The following CTNNA3 variants were observed in gnomAD, a reference collection of about 807,000 sequenced individuals.
The protein encoded by CTNNA3 is catenin alpha 3.
In CTNNA3, 76 loss-of-function variants were observed where a neutral mutation model predicts 95.7. The ratio of observed to expected loss-of-function variants is 0.79; its 90% CI spans 0.66 to 0.96. CTNNA3 has a LOEUF of 0.96. CTNNA3 is among the 40% of genes least tolerant of loss of function. The pLI, the probability that CTNNA3 is intolerant of heterozygous loss-of-function variation, is 0.00. For missense variants in CTNNA3, 1,191 were observed against 1,089.8 expected (o/e 1.09, Z -1.31); for synonymous variants, 431 against 374.4 (o/e 1.15, Z -1.74).
chr10:67,243,269 C>G (rs1306932769), intron 5 of CTNNA3, among the ~76,000 whole-genome samples: 1 of 152,060 alleles, frequency 6.6e-6, no homozygotes, highest in Non-Finnish European at 1.5e-5. Flanking sequence ...TTTTCCAACC[C>G]CCCCAACCCC....
chr10:66,343,150 A>G (rs913505525), intron 12 of CTNNA3, among the ~76,000 whole-genome samples: 9 of 152,140 alleles, frequency 5.9e-5, no homozygotes, highest in African/African-American at 2.2e-4. Flanking sequence ...TACAGCCACT[A>G]TGGAGAAGGG....
At chr10:67,178,844 C>CT (rs1862366983) in intron 7 of CTNNA3, among the ~76,000 whole-genome samples, 1 of 151,912 alleles carries the variant, frequency 6.6e-6, no homozygotes, top group Non-Finnish European at 1.5e-5. Flanking sequence ...CTTGAAAAAT[C>CT]TTTAAGAATA....
At chr10:66,157,264 T>C (rs2084561260) in intron 13 of CTNNA3, among the ~76,000 whole-genome samples, 1 of 151,980 alleles carries the variant, frequency 6.6e-6, no homozygotes, top group African/African-American at 2.4e-5. Context: ...CATAGCTTAG[T>C]TCTCATATAT....
intron 9 of CTNNA3, among the ~76,000 whole-genome samples, chr10:66,681,654 T>A (rs4447056): frequency 6.6e-6 from 1 of 151,962 alleles, no homozygotes; most frequent in Non-Finnish European, 1.5e-5. Context: ...AATAAGGATA[T>A]GATGTACTAT....
chr10:66,682,154 T>C (rs1239286141), intron 9 of CTNNA3, among the ~76,000 whole-genome samples: 1 of 152,114 alleles, frequency 6.6e-6, no homozygotes, highest in Non-Finnish European at 1.5e-5. Context: ...CCTCCAGAAT[T>C]ATCTATTTTC....
chr10:66,154,928 A>G lies in CTNNA3; in HGVS notation c.1885-51679T>C, dbSNP rs114356101. Among the ~76,000 whole-genome samples, 607 of 151,424 alleles carry G rather than the reference A, an allele frequency of 4.0e-3. 6 individuals carry two copies. The highest frequency in any genetic ancestry group is 0.014 in the African/African-American group (587 of 41,360). On this transcript the variant is annotated intron_variant, in intron 13 of 17. Transcript: ENST00000433211. ...GTTGTTTGACAAAGAGTTGACAAAC[A>G]TTTTCTATAAACAGCCAGACAGTAA...
chr10:67,238,907 C>A (rs945801597), intron 5 of CTNNA3, among the ~76,000 whole-genome samples: 1 of 151,984 alleles, frequency 6.6e-6, no homozygotes, highest in South Asian at 2.1e-4. Flanking sequence ...GAGTTTAATA[C>A]ATTTTTGTTA....
intron 10 of CTNNA3, among the ~76,000 whole-genome samples, chr10:66,580,779 T>TAGGGGTA (rs1843158215): frequency 6.6e-6 from 1 of 151,788 alleles, no homozygotes. Context: ...GGGTAATCTT[T>TAGGGGTA]AGGGGTAAAA....
intron 11 of CTNNA3, among the ~76,000 whole-genome samples, chr10:66,383,237 A>G (rs1589167939): frequency 6.6e-6 from 1 of 152,224 alleles, no homozygotes; most frequent in East Asian, 1.9e-4. Flanking sequence ...TAAACAGTGT[A>G]GAGAAGATCT....
chr10:66,829,464 T>G (rs1384934995), intron 7 of CTNNA3, among the ~76,000 whole-genome samples: 1 of 151,842 alleles, frequency 6.6e-6, no homozygotes, highest in African/African-American at 2.4e-5. Context: ...AGTACAAAAA[T>G]TAGCCGGCCA....
intron 5 of CTNNA3, among the ~76,000 whole-genome samples, chr10:67,455,161 A>C (rs1272986841): frequency 6.6e-6 from 1 of 152,132 alleles, no homozygotes; most frequent in Non-Finnish European, 1.5e-5. Flanking sequence ...TAACATGCAC[A>C]TTTTCCCATA....
chr10:67,308,423 C>A (rs1269303513), intron 5 of CTNNA3, among the ~76,000 whole-genome samples: 4 of 152,202 alleles, frequency 2.6e-5, no homozygotes, highest in African/African-American at 9.7e-5. Flanking sequence ...CCATGTAAGA[C>A]ATGACTTTGC....
At chr10:65,935,695 A>G (rs763206308) in intron 17 of CTNNA3, among the ~76,000 whole-genome samples, 16 of 151,898 alleles carry the variant, frequency 1.1e-4, no homozygotes, top group Non-Finnish European at 2.1e-4. Context: ...GAGAACATTC[A>G]TTTTCTAAGT....
At chr10:66,762,083 C>T (rs943759168) in intron 9 of CTNNA3, among the ~76,000 whole-genome samples, 17 of 152,064 alleles carry the variant, frequency 1.1e-4, no homozygotes, top group African/African-American at 3.9e-4. Context: ...ATCAGAGGAG[C>T]CTCAAAGCAA....
intron 10 of CTNNA3, among the ~76,000 whole-genome samples, chr10:66,575,174 A>G: frequency 6.6e-6 from 1 of 152,028 alleles, no homozygotes; most frequent in Admixed American, 6.6e-5. Flanking sequence ...GCATGGGAGG[A>G]GGGGAGAGAA....
At chr10:66,240,852 G>A (rs2090074620) in intron 13 of CTNNA3, among the ~76,000 whole-genome samples, 1 of 151,970 alleles carries the variant, frequency 6.6e-6, no homozygotes, top group South Asian at 2.1e-4. Flanking sequence ...AGTTTTTTAA[G>A]TAATGGAAAA....
intron 11 of CTNNA3, among the ~76,000 whole-genome samples, chr10:66,428,319 C>T (rs1180707463): frequency 6.6e-6 from 1 of 152,036 alleles, no homozygotes; most frequent in Admixed American, 6.6e-5. Context: ...CTTCAACATC[C>T]CATTGTCAAC....
intron 5 of CTNNA3, among the ~76,000 whole-genome samples, chr10:67,348,844 C>T (rs1346349653): frequency 6.6e-6 from 1 of 151,978 alleles, no homozygotes; most frequent in African/African-American, 2.4e-5. Flanking sequence ...GAGATAATTC[C>T]TAAAATATAT....
At chr10:67,486,974 T>C (rs1185599549) in intron 5 of CTNNA3, among the ~76,000 whole-genome samples, 1 of 152,184 alleles carries the variant, frequency 6.6e-6, no homozygotes, top group Non-Finnish European at 1.5e-5. Context: ...GTAATATTGA[T>C]ACCAATCCAA....
Sources: gnomAD v4.1 joint callset for allele counts (sites outside exome capture counted in the v4.1 genomes callset) on GRCh38, gnomAD v4.1.1 for gene constraint, MANE v1.5 for transcripts, NCBI Gene and HGNC (gene_info 2026-07-23, HGNC 2026-07-21) for gene names.